The following CAPS2 variants were observed in gnomAD, a reference collection of about 807,000 sequenced individuals.
The protein encoded by CAPS2 is calcyphosin-2.
In CAPS2, 98 loss-of-function variants were observed where a neutral mutation model predicts 86.5. The observed-to-expected ratio is 1.13, with a 90% CI of 0.96 to 1.34. The LOEUF is 1.34. Ranked by LOEUF, CAPS2 falls within the 40% of genes most tolerant of loss-of-function variation. CAPS2 has a pLI of 0.00. For synonymous variants in CAPS2, 210 were observed against 225.1 expected (o/e 0.93, Z 0.60); for missense variants, 729 against 686.8 (o/e 1.06, Z -0.69).
chr12:75,323,795 T>A (rs2040525936), intron 2 of CAPS2, among the ~76,000 whole-genome samples: 1 of 152,198 alleles, frequency 6.6e-6, no homozygotes, highest in Non-Finnish European at 1.5e-5. Context: ...TTCCTGATGA[T>A]TTCACTGTAC....
chr12:75,326,538 GGTAGA>G, upstream of CAPS2: 1 of 1,205,416 alleles, frequency 8.3e-7, no homozygotes, highest in Non-Finnish European at 1.2e-6. Flanking sequence ...CTTTGAAAAA[GGTAGA>G]GTAAATGTTA....
chr12:75,292,734 A>G (rs1343394819), intron 12 of CAPS2, among the ~76,000 whole-genome samples: 1 of 147,854 alleles, frequency 6.8e-6, no homozygotes, highest in Non-Finnish European at 1.5e-5. Flanking sequence ...TCACAGGAAT[A>G]TATATTTTTT....
At chr12:75,282,180 T>C in intron 16 of CAPS2, 71 bp downstream of exon 16, 1 of 873,934 alleles carries the variant, frequency 1.1e-6, no homozygotes, top group Non-Finnish European at 1.9e-6. Context: ...AAGGTTTAAA[T>C]TAATATAAAG....
intron 14 of CAPS2, 40 bp from the exon 15 acceptor site, chr12:75,285,120 C>T (rs760302337): frequency 2.1e-5 from 34 of 1,585,274 alleles, no homozygotes; most frequent in Non-Finnish European, 2.7e-5. Context: ...TTTTAAGTTA[C>T]ATATCGTCAC....
At chr12:75,299,766 T>A (rs2037498339) in intron 9 of CAPS2, 71 bp downstream of exon 9, 5 of 730,822 alleles carry the variant, frequency 6.8e-6, no homozygotes, top group Non-Finnish European at 1.1e-5. Flanking sequence ...CTCATTACTG[T>A]CATTTCTATT....
At chr12:75,322,330 T>G (rs1210924352) in intron 4 of CAPS2, among the ~76,000 whole-genome samples, 1 of 152,114 alleles carries the variant, frequency 6.6e-6, no homozygotes, top group Non-Finnish European at 1.5e-5. Flanking sequence ...TGTATTGACC[T>G]AGGGAGGGAC....
chr12:75,320,883 T>C (rs187663143), intron 5 of CAPS2, among the ~76,000 whole-genome samples: 21 of 152,056 alleles, frequency 1.4e-4, no homozygotes, highest in Admixed American at 1.2e-3. Flanking sequence ...TCATTAATAG[T>C]GAATTTATAC....
chr12:75,289,732 C>T, exon 14 of CAPS2: 1 of 1,612,780 alleles, frequency 6.2e-7, no homozygotes, highest in Non-Finnish European at 8.5e-7. Context: ...CCAATCCAGT[C>T]AAAATACGAA....
chr12:75,301,687 C>A (rs1026305426), intron 8 of CAPS2, among the ~76,000 whole-genome samples: 1 of 152,162 alleles, frequency 6.6e-6, no homozygotes, highest in Admixed American at 6.6e-5. Context: ...CTAGAAAAAA[C>A]TTTGCTCTTA....
intron 1 of CAPS2, among the ~76,000 whole-genome samples, chr12:75,345,942 A>G (rs2042415462): frequency 6.6e-6 from 1 of 152,216 alleles, no homozygotes; most frequent in African/African-American, 2.4e-5. Context: ...GTAATTAGGA[A>G]TGGTTATATT....
At chr12:75,360,016 A>T (rs1331717465) in intron 1 of CAPS2, 1 of 152,226 alleles carries the variant, frequency 6.6e-6, no homozygotes, top group Non-Finnish European at 1.5e-5. Context: ...AAAGAAAAGG[A>T]GGAACTTCAA....
At chr12:75,389,456 T>C (rs931437513) in intron 1 of CAPS2, among the ~76,000 whole-genome samples, 2 of 152,232 alleles carry the variant, frequency 1.3e-5, no homozygotes, top group Non-Finnish European at 2.9e-5. Context: ...CCGGAGAGTA[T>C]ACCTAACACA....
intron 1 of CAPS2, among the ~76,000 whole-genome samples, chr12:75,377,838 C>A (rs1344297342): frequency 5.2e-5 from 2 of 38,270 alleles, no homozygotes; most frequent in East Asian, 3.7e-3. Flanking sequence ...TTAACCATCA[C>A]AGATATATAT....
At chr12:75,290,275 C>T (rs1255152630) in intron 13 of CAPS2, among the ~76,000 whole-genome samples, 1 of 152,118 alleles carries the variant, frequency 6.6e-6, no homozygotes, top group East Asian at 1.9e-4. Context: ...AGCATCAAAG[C>T]TTTTGAATTC....
chr12:75,316,103 A>G (rs1271199111), intron 6 of CAPS2, among the ~76,000 whole-genome samples: 2 of 152,148 alleles, frequency 1.3e-5, no homozygotes, highest in Non-Finnish European at 2.9e-5. Flanking sequence ...TTTTTCAAAC[A>G]CCTAAAGATT....
intron 1 of CAPS2, among the ~76,000 whole-genome samples, chr12:75,340,799 T>C (rs1207538345): frequency 6.7e-6 from 1 of 149,594 alleles, no homozygotes; most frequent in Non-Finnish European, 1.5e-5. Context: ...CACAGAGATA[T>C]ACAGATGGAA....
In CAPS2 at chr12:75,293,588, CA is replaced by C. The variant is rs556306745; in HGVS notation, c.1045-222del. ...TCTTCTATTTAACAATCCATGTGAACAAAAAAGTCAGCAATATAATAAACTC... is the reference window on the plus strand; with the variant it reads ...TCTTCTATTTAACAATCCATGTGAACAAAAAGTCAGCAATATAATAAACTC... On this transcript the variant is annotated intron_variant, in intron 11 of 16. Coordinates refer to ENST00000393284, the Ensembl canonical transcript of CAPS2. Among the ~76,000 whole-genome samples, 17 of 151,992 alleles carry C rather than the reference CA, an allele frequency of 1.1e-4. No homozygotes were observed. The South Asian group carries it at 3.3e-3, about 30-fold the overall frequency.
At chr12:75,315,371 A>G (rs1319903273) in intron 6 of CAPS2, among the ~76,000 whole-genome samples, 1 of 152,194 alleles carries the variant, frequency 6.6e-6, no homozygotes, top group Non-Finnish European at 1.5e-5. Context: ...TCCTGATAAT[A>G]TTCATTCTAT....
At chr12:75,377,489 CTG>C (rs1378263749) in intron 1 of CAPS2, among the ~76,000 whole-genome samples, 1 of 152,186 alleles carries the variant, frequency 6.6e-6, no homozygotes, top group East Asian at 1.9e-4. Flanking sequence ...AGCCATCAGT[CTG>C]TGAACAGAGG....
Sources: allele counts gnomAD v4.1 joint callset (sites outside exome capture counted in the v4.1 genomes callset), GRCh38; gene constraint gnomAD v4.1.1; transcripts MANE v1.5; gene names NCBI Gene and HGNC (gene_info 2026-07-23, HGNC 2026-07-21).